The following DDX3X variants were observed in gnomAD, a reference collection of about 807,000 sequenced individuals.
DDX3X encodes the protein DEAD-box helicase 3 X-linked.
In DDX3X, 4 loss-of-function variants were observed where a neutral mutation model predicts 52.7. The ratio of observed to expected loss-of-function variants is 0.08; its 90% CI spans 0.04 to 0.17. The LOEUF (loss-of-function observed/expected upper bound fraction) is 0.17, where lower values mean the gene tolerates loss of function less well. DDX3X is among the 10% of genes least tolerant of loss of function. The pLI, the probability that DDX3X is intolerant of heterozygous loss-of-function variation, is 1.00. For missense variants in DDX3X, 222 were observed against 548.6 expected (o/e 0.40, Z 5.95); for synonymous variants, 192 against 178.1 (o/e 1.08, Z -0.62).
intron 6 of DDX3X, 165 bp downstream of exon 6, chrX:41,343,001 C>G: frequency 3.5e-6 from 2 of 572,349 alleles, no homozygotes; most frequent in South Asian, 6.4e-5. Flanking sequence ...AATTTATTAC[C>G]TAAAATAGAA....
chrX:41,352,360 C>T (rs944928923), downstream of DDX3X, among the ~76,000 whole-genome samples: 1 of 111,730 alleles, frequency 9.0e-6, no homozygotes, highest in Non-Finnish European at 1.9e-5. Flanking sequence ...TTTCATTTTT[C>T]GAGAGAAGTA....
chrX:41,335,264 T>G (rs2063748628), intron 1 of DDX3X: 1 of 110,093 alleles, frequency 9.1e-6, no homozygotes, highest in South Asian at 3.8e-4. Context: ...TCATCGCGGG[T>G]TGTGGTAGTG....
chrX:41,345,123 A>G, intron 10 of DDX3X, 57 bp from the exon 11 acceptor site: 2 of 1,126,236 alleles, frequency 1.8e-6, no homozygotes, highest in South Asian at 3.7e-5. Flanking sequence ...TACTAAAACC[A>G]TGTTGATTTC....
intron 2 of DDX3X, 177 bp downstream of exon 2, chrX:41,337,642 C>CTTTT: frequency 6.8e-6 from 2 of 293,272 alleles, no homozygotes; most frequent in Non-Finnish European, 1.2e-5. Flanking sequence ...GCATCGTTGC[C>CTTTT]TTTTTTTTTT....
intron 6 of DDX3X, 70 bp from the exon 7 acceptor site, chrX:41,343,146 G>A: frequency 1.8e-6 from 2 of 1,101,150 alleles, no homozygotes; most frequent in Non-Finnish European, 2.5e-6. Context: ...TTGGTTGGTT[G>A]TTTCCATTAT....
intron 5 of DDX3X, chrX:41,358,049 G>A (rs2064015823): frequency 8.7e-6 from 2 of 228,901 alleles, no homozygotes; most frequent in Admixed American, 7.3e-5. Flanking sequence ...TCCTATCTGG[G>A]ACAGAGATAG....
Position 41,343,788 on chromosome X carries a change from C to T in DDX3X, c.731C>T (p.Ser244Leu), listed in dbSNP as rs1275844963. ...TTGCCCATCTTGAGTCAGATTTATT[C>T]AGATGGTCCAGGCGAGGCTTTGAGG... is the stretch of plus-strand genomic sequence containing the variant. Reference protein sequence around the residue: ...FLLPILSQIYSDGPGEALRAM... With the variant: ...FLLPILSQIYLDGPGEALRAM... Residue 244 changes from serine (S) to leucine (L), a missense_variant, in exon 8 of 17, where the codon TCA becomes TTA. This residue lies in a region of DDX3X where 73 missense variants were observed against 301.4 expected (regional missense o/e 0.24). Transcript: ENST00000644876. 1 of 1,208,282 alleles carries T rather than the reference C, an allele frequency of 8.3e-7. No homozygotes were observed. Among genetic ancestry groups the T allele is most frequent in the Non-Finnish European group, 1.1e-6 (1 of 893,996 alleles).
intron 2 of DDX3X, chrX:41,337,945 C>T (rs2063795464): frequency 8.9e-6 from 1 of 111,888 alleles, no homozygotes; most frequent in Admixed American, 9.6e-5. Flanking sequence ...TGTTAACTGA[C>T]TATATTTATT....
intron 5 of DDX3X, among the ~76,000 whole-genome samples, chrX:41,357,090 C>T (rs755902920): frequency 9.1e-4 from 99 of 108,869 alleles, no homozygotes; most frequent in African/African-American, 3.1e-3. Flanking sequence ...TGCGCCACCA[C>T]ACCCAGATAA....
At chrX:41,339,635 A>G (rs942401832) in intron 3 of DDX3X, 1 of 112,066 alleles carries the variant, frequency 8.9e-6, no homozygotes, top group Non-Finnish European at 1.9e-5. Context: ...GACAGCTAGT[A>G]TATGTTTCAT....
At chrX:41,355,650 T>TC (rs1347904175) in intron 5 of DDX3X, among the ~76,000 whole-genome samples, 2 of 102,921 alleles carry the variant, frequency 1.9e-5, no homozygotes, top group African/African-American at 3.5e-5. Context: ...TTTTTCTTTT[T>TC]TTTTTTTTTT....
chrX:41,337,844 GA>G (rs2063794279), intron 2 of DDX3X: 1 of 126,335 alleles, frequency 7.9e-6, no homozygotes, highest in Admixed American at 9.1e-5. Flanking sequence ...CTAATCATTG[GA>G]AAGAACCTTA....
At chrX:41,351,926 AAAC>A (rs935390049), downstream of DDX3X, among the ~76,000 whole-genome samples, 2 of 111,635 alleles carry the variant, frequency 1.8e-5, no homozygotes, top group African/African-American at 3.3e-5. Context: ...TTATGGGAGA[AAAC>A]AAAACGGACC....
At chrX:41,341,458 A>G (rs1335082718) in intron 3 of DDX3X, 26 bp from the exon 4 acceptor site, 2 of 1,158,577 alleles carry the variant, frequency 1.7e-6, no homozygotes, top group Admixed American at 2.3e-5. Context: ...TAATAATAAA[A>G]TGTATTTGTG....
chrX:41,334,163 G>A lies in DDX3X; in HGVS notation c.-90G>A. 4 of 993,278 alleles carry A rather than the reference G, an allele frequency of 4.0e-6. No homozygotes were observed. The highest frequency in any genetic ancestry group is 4.2e-6 in the Non-Finnish European group (3 of 713,059). 81.9% of individuals were successfully genotyped at this position (993,278 alleles called of 1,213,427 possible). On this transcript the variant is annotated 5_prime_UTR_variant, in exon 1 of 17. Coordinates refer to ENST00000644876, the MANE Select transcript of DDX3X (RefSeq NM_001356.5). ...ATCCGTGGCCGCGCGGTGCGCTCCA[G>A]AGCCGCAGTTCTCCCGTGAGAGGGC...
Position 41,339,026 on chromosome X carries a change from A to G in DDX3X, c.104-10A>G, listed in dbSNP as rs112766093. Reference sequence around the variant, plus strand: ...TTTAATTAATTTTATATATATATATATTTTTTTAGAAGGGCGCTATATTCC... The same window carrying G: ...TTTAATTAATTTTATATATATATATGTTTTTTTAGAAGGGCGCTATATTCC... On this transcript the variant is annotated splice_polypyrimidine_tract_variant and intron_variant, in intron 2 of 16. Transcript: ENST00000644876. The G allele has an allele frequency of 5.6e-6, 5 of 895,623 alleles. No homozygotes were observed. Among genetic ancestry groups the G allele is most frequent in the South Asian group, 3.8e-5 (1 of 26,527 alleles). 73.8% of individuals were successfully genotyped at this position (895,623 alleles called of 1,213,427 possible). A position where few individuals can be genotyped will look rare whatever the true frequency, so the allele number is the denominator to read the frequency against.
intron 4 of DDX3X, 150 bp from the exon 5 acceptor site, chrX:41,342,341 TAGAG>T (rs1476428097): frequency 1.8e-6 from 1 of 543,902 alleles, no homozygotes; most frequent in Non-Finnish European, 2.9e-6. Context: ...TGATGCTGGT[TAGAG>T]AGCCTTATTT....
In DDX3X at chrX:41,334,247, T is replaced by A; in HGVS notation, c.-6T>A. On this transcript the variant is annotated 5_prime_UTR_variant, in exon 1 of 17. Transcript: ENST00000644876. The stretch of plus-strand genomic sequence containing the variant: ...GAAGACTCCGAGTTCTCGGTACTCT[T>A]CAGGGATGAGTCATGTGGCAGTGGA... 8.3e-7 allele frequency: 1 copy of A among 1,210,177 alleles called. No individual in the cohort carries two copies. The highest frequency in any genetic ancestry group is 1.1e-6 in the Non-Finnish European group (1 of 894,392).
chrX:41,351,521 T>G (rs1177459819), downstream of DDX3X: 1 of 111,419 alleles, frequency 9.0e-6, no homozygotes, highest in Non-Finnish European at 1.9e-5. Context: ...TAGAGCACAG[T>G]GACTTTGTTG....
Sources: allele counts gnomAD v4.1 joint callset (sites outside exome capture counted in the v4.1 genomes callset), GRCh38; gene constraint gnomAD v4.1.1; regional missense constraint gnomAD v4.1.1; transcripts MANE v1.5; gene names NCBI Gene and HGNC (gene_info 2026-07-23, HGNC 2026-07-21).